FRAS1: variants seen among roughly 807,000 people sequenced by gnomAD.
FRAS1 encodes the protein extracellular matrix organizing protein FRAS1.
Under a neutral mutation model 435.2 loss-of-function variants are expected in FRAS1, and 290 were observed. The observed-to-expected ratio is 0.67, with a 90% CI of 0.61 to 0.73. FRAS1 has a LOEUF of 0.73. Among genes scored for constraint, FRAS1 ranks in the 30% least tolerant of loss-of-function variants. The pLI is 0.00. For missense variants in FRAS1, 4,860 were observed against 5,001.5 expected (o/e 0.97, Z 0.85); for synonymous variants, 1,800 against 1,851.0 (o/e 0.97, Z 0.71).
At chr4:78,130,873 T>C (rs952570018) in intron 2 of FRAS1, among the ~76,000 whole-genome samples, 5 of 152,194 alleles carry the variant, frequency 3.3e-5, no homozygotes, top group African/African-American at 1.2e-4. Flanking sequence ...TCATAACTTG[T>C]AGCAGGGAAA....
At chr4:78,181,841 T>C in intron 2 of FRAS1, 3 of 1,611,798 alleles carry the variant, frequency 1.9e-6, no homozygotes, top group Non-Finnish European at 2.5e-6. Context: ...CTTGCGCAGC[T>C]GTTTGCCTGC....
rs1342055245 is a variant in FRAS1, at chr4:78,137,738, T to C, written c.108+71722T>C. On this transcript the variant is annotated intron_variant, in intron 2 of 73. Transcript: ENST00000512123. ...TGTGTGTGTGTGGCAATGTGAGTCA[T>C]GGTTAATAGTACGTGCTTTGGAGTT... Among the ~76,000 whole-genome samples, 6 of 152,160 alleles carry C rather than the reference T, an allele frequency of 3.9e-5. No individual in the cohort carries two copies. The East Asian group carries it at 1.2e-3, about 29-fold the overall frequency.
chr4:78,479,254 G>T, intron 55 of FRAS1, 120 bp from the exon 56 acceptor site: 1 of 578,480 alleles, frequency 1.7e-6, no homozygotes, highest in Non-Finnish European at 2.7e-6. Context: ...TTATGTCAGA[G>T]TTTGAACAGA....
chr4:78,539,464 A>C, intron 73 of FRAS1, 24 bp downstream of exon 73: 1 of 1,560,948 alleles, frequency 6.4e-7, no homozygotes, highest in South Asian at 1.2e-5. Context: ...GAAGAACAGA[A>C]GCTTAAGACC....
In FRAS1 at chr4:78,489,036, C is replaced by A. The variant is rs1350829830; in HGVS notation, c.8914C>A (p.Gln2972Lys). 2 of 1,613,480 alleles carry A rather than the reference C, an allele frequency of 1.2e-6. No individual in the cohort carries two copies. Among genetic ancestry groups the A allele is most frequent in the Admixed American group, 1.7e-5 (1 of 59,948 alleles). ...GGTCATGGAGGACTTTGAGGAGAGA[C>A]AAAATGCAGACTCTTCACGGATTAC... Reference protein sequence around the residue: ...AQVMEDFEERQNADSSRITFL... With the variant: ...AQVMEDFEERKNADSSRITFL... Residue 2972 changes from glutamine to lysine, a missense_variant, in exon 59 of 74, where the codon CAA becomes AAA. Transcript: ENST00000512123.
chr4:78,105,184 G>T (rs1004278203), intron 2 of FRAS1, among the ~76,000 whole-genome samples: 1 of 152,146 alleles, frequency 6.6e-6, no homozygotes, highest in African/African-American at 2.4e-5. Flanking sequence ...GCTTGGCTTG[G>T]CAGAGTCCTC....
chr4:78,172,109 G>A (rs1721585563), intron 2 of FRAS1, among the ~76,000 whole-genome samples: 1 of 151,994 alleles, frequency 6.6e-6, no homozygotes, highest in Non-Finnish European at 1.5e-5. Context: ...CCCTTCCACA[G>A]CATCCCCCTG....
intron 54 of FRAS1, 125 bp from the exon 55 acceptor site, chr4:78,477,690 A>T: frequency 8.3e-7 from 1 of 1,205,856 alleles, no homozygotes; most frequent in Non-Finnish European, 1.1e-6. Context: ...GGGCTGGGAG[A>T]ACCAGCTATT....
intron 25 of FRAS1, among the ~76,000 whole-genome samples, chr4:78,374,551 T>C (rs1340159859): frequency 1.3e-5 from 2 of 152,230 alleles, no homozygotes; most frequent in East Asian, 3.8e-4. Context: ...GAGGGATCCA[T>C]TAAGAGTGGA....
At position 78,057,896 on chromosome 4, in the gene FRAS1, G is replaced by A; in HGVS notation, c.-114G>A. The A allele has an allele frequency of 4.5e-6, 4 of 884,744 alleles. No homozygotes were observed. Among genetic ancestry groups the A allele is most frequent in the Non-Finnish European group, 1.8e-6 (1 of 553,986 alleles). 54.8% of individuals were successfully genotyped at this position (884,744 alleles called of 1,614,324 possible). A position where few individuals can be genotyped will look rare whatever the true frequency, so the allele number is the denominator to read the frequency against. The stretch of plus-strand genomic sequence containing the variant: ...CTCTTTTTCCCGGAGGTAAAGGCCC[G>A]CGGTCCCCCACCTTCAGTGCGCCCG... On this transcript the variant is annotated 5_prime_UTR_variant, in exon 1 of 74. Coordinates refer to ENST00000512123, the MANE Select transcript of FRAS1 (RefSeq NM_025074.7). The surrounding 1 kb of genome is among the most constrained non-coding windows in gnomAD (Gnocchi z 4.2).
intron 61 of FRAS1, among the ~76,000 whole-genome samples, chr4:78,502,510 G>T (rs1396107608): frequency 1.3e-5 from 2 of 152,018 alleles, no homozygotes. Context: ...TCATGATTTG[G>T]TTCTCTGTTT....
intron 28 of FRAS1, among the ~76,000 whole-genome samples, chr4:78,384,594 C>G (rs1732146701): frequency 1.3e-5 from 2 of 152,044 alleles, no homozygotes; most frequent in African/African-American, 4.8e-5. Flanking sequence ...AATCTGCTAC[C>G]AGCCCTTCCA....
intron 43 of FRAS1, 57 bp downstream of exon 43, chr4:78,446,937 G>A (rs1282056891): frequency 6.8e-7 from 1 of 1,466,076 alleles, no homozygotes; most frequent in Non-Finnish European, 9.3e-7. Context: ...TGGGCTGTTA[G>A]AATAAACACA....
chr4:78,116,266 G>A (rs2109952280), intron 2 of FRAS1, among the ~76,000 whole-genome samples: 1 of 152,236 alleles, frequency 6.6e-6, no homozygotes, highest in Middle Eastern at 3.4e-3. Flanking sequence ...AGTCAATTTT[G>A]GAATAGGTGT....
At chr4:78,391,543 G>A (rs546610144) in intron 29 of FRAS1, among the ~76,000 whole-genome samples, 1 of 152,068 alleles carries the variant, frequency 6.6e-6, no homozygotes, top group Non-Finnish European at 1.5e-5. Context: ...TACTACTGGG[G>A]TTTCAAGGAA....
At chr4:78,466,758 T>TA (rs1268112675) in intron 50 of FRAS1, among the ~76,000 whole-genome samples, 1 of 152,208 alleles carries the variant, frequency 6.6e-6, no homozygotes, top group Admixed American at 6.5e-5. Flanking sequence ...GCCCATCCTT[T>TA]ACTCCTTAAT....
At chr4:78,364,122 A>T (rs1274797547) in intron 22 of FRAS1, 68 bp downstream of exon 22, 3 of 1,495,852 alleles carry the variant, frequency 2.0e-6, no homozygotes, top group Non-Finnish European at 1.8e-6. Flanking sequence ...ATTGAAAGAA[A>T]TGCGAGGTTC....
chr4:78,115,212 G>C (rs1383478883), intron 2 of FRAS1, among the ~76,000 whole-genome samples: 3 of 151,716 alleles, frequency 2.0e-5, no homozygotes, highest in East Asian at 3.8e-4. Context: ...TTATTGATGT[G>C]CTGCTGGATT....
intron 2 of FRAS1, among the ~76,000 whole-genome samples, chr4:78,077,610 G>A (rs902419546): frequency 5.9e-5 from 9 of 151,578 alleles, no homozygotes; most frequent in African/African-American, 2.2e-4. Flanking sequence ...ACACCCTTCC[G>A]AGTCTCCATT....
Sources: allele counts gnomAD v4.1 joint callset (sites outside exome capture counted in the v4.1 genomes callset), GRCh38; gene constraint gnomAD v4.1.1; non-coding constraint Gnocchi (gnomAD v3.1); transcripts MANE v1.5; gene names NCBI Gene and HGNC (gene_info 2026-07-23, HGNC 2026-07-21).